Variants in GRIK1 observed in about 807,000 individuals in gnomAD.
GRIK1 encodes glutamate receptor ionotropic, kainate 1.
Under a neutral mutation model 105.7 loss-of-function variants are expected in GRIK1, and 69 were observed. That is an observed-to-expected ratio of 0.65 (90% CI 0.54 to 0.80). GRIK1 has a LOEUF of 0.80. GRIK1 is among the 30% of genes least tolerant of loss of function. The probability of loss-of-function intolerance (pLI) is 0.00; values close to 1 mark genes in which losing one functional copy is unlikely to be tolerated. For synonymous variants in GRIK1, 438 were observed against 431.3 expected, an observed-to-expected ratio of 1.02 and a Z score of -0.19; for missense variants, 1,109 against 1,167.3, an observed-to-expected ratio of 0.95 and a Z score of 0.73.
chr21:29,580,487 GTCTCTC>G, intron 13 of GRIK1, among the ~76,000 whole-genome samples: 1 of 151,652 alleles, frequency 6.6e-6, no homozygotes, highest in South Asian at 2.1e-4. Flanking sequence ...TATTTCCACA[GTCTCTC>G]TCTCTCTAAT....
chr21:29,844,947 T>A (rs1157659199), intron 1 of GRIK1, among the ~76,000 whole-genome samples: 1 of 152,190 alleles, frequency 6.6e-6, no homozygotes, highest in Non-Finnish European at 1.5e-5. Flanking sequence ...TATAACATTC[T>A]TTTTCTTGCT....
chr21:29,698,756 C>T (rs2063759146), intron 1 of GRIK1, among the ~76,000 whole-genome samples: 1 of 152,046 alleles, frequency 6.6e-6, no homozygotes, highest in Admixed American at 6.6e-5. Context: ...TATCCACCTC[C>T]CCAGCCTCTT....
chr21:29,542,847 C>G (rs1480927147), intron 16 of GRIK1, among the ~76,000 whole-genome samples: 1 of 152,166 alleles, frequency 6.6e-6, no homozygotes, highest in Non-Finnish European at 1.5e-5. Flanking sequence ...CTTTAATAGG[C>G]TCCTTATTCA....
At chr21:29,830,011 A>G (rs1296975000) in intron 1 of GRIK1, among the ~76,000 whole-genome samples, 1 of 152,126 alleles carries the variant, frequency 6.6e-6, no homozygotes, top group Non-Finnish European at 1.5e-5. Context: ...CCCAAATAGA[A>G]ACACCTACTT....
At chr21:29,859,864 T>C (rs2068583673) in intron 1 of GRIK1, among the ~76,000 whole-genome samples, 2 of 152,226 alleles carry the variant, frequency 1.3e-5, no homozygotes, top group African/African-American at 4.8e-5. Context: ...AACTTTTGAG[T>C]AGCTTAGTTC....
At chr21:29,789,548 G>C (rs1010626159) in intron 1 of GRIK1, among the ~76,000 whole-genome samples, 26 of 152,134 alleles carry the variant, frequency 1.7e-4, no homozygotes, top group Admixed American at 1.6e-3. Flanking sequence ...ACTCCTTTCT[G>C]TAAAAGAAAA....
At chr21:29,573,744 G>A (rs1243894642) in intron 14 of GRIK1, among the ~76,000 whole-genome samples, 2 of 152,006 alleles carry the variant, frequency 1.3e-5, no homozygotes, top group Non-Finnish European at 2.9e-5. Flanking sequence ...AGCTACTCGG[G>A]GGGCTGAGGC....
chr21:29,800,321 C>A (rs142540640), intron 1 of GRIK1, among the ~76,000 whole-genome samples: 3 of 152,132 alleles, frequency 2.0e-5, no homozygotes, highest in Non-Finnish European at 2.9e-5. Flanking sequence ...TTTTACAAAT[C>A]GAAAGGAAAA....
At chr21:29,848,779 A>ATTTTTTTTTTTTT (rs1555898508) in intron 1 of GRIK1, among the ~76,000 whole-genome samples, 2 of 77,882 alleles carry the variant, frequency 2.6e-5, no homozygotes, top group African/African-American at 1.2e-4. Context: ...ATATATATAT[A>ATTTTTTTTTTTTT]TTTTTTTTTT....
intron 1 of GRIK1, among the ~76,000 whole-genome samples, chr21:29,781,005 C>T (rs59265572): frequency 0.024 from 3,685 of 152,152 alleles, 115 homozygotes; most frequent in East Asian, 0.1. Flanking sequence ...TCTGGAATAG[C>T]CAAGCAATAC....
At chr21:29,699,452 G>T (rs1237630071) in intron 1 of GRIK1, among the ~76,000 whole-genome samples, 2 of 152,092 alleles carry the variant, frequency 1.3e-5, no homozygotes, top group South Asian at 2.1e-4. Context: ...CAAGAAGGAG[G>T]CCATCTGCAA....
At chr21:29,592,737 T>C (rs550280615) in intron 9 of GRIK1, among the ~76,000 whole-genome samples, 45 of 152,340 alleles carry the variant, frequency 3.0e-4, no homozygotes, top group Non-Finnish European at 5.7e-4. Context: ...CCTGCACACA[T>C]AGTAACAAGA....
chr21:29,850,491 G>A (rs1268263575), intron 1 of GRIK1, among the ~76,000 whole-genome samples: 2 of 152,014 alleles, frequency 1.3e-5, no homozygotes, highest in Non-Finnish European at 2.9e-5. Context: ...CTCTCCCCTG[G>A]CCACTCCTAT....
At chr21:29,602,290 T>G (rs1478901730) in intron 7 of GRIK1, among the ~76,000 whole-genome samples, 3 of 152,238 alleles carry the variant, frequency 2.0e-5, no homozygotes, top group Non-Finnish European at 4.4e-5. Flanking sequence ...GTTGTTATAC[T>G]CAAATTTCAA....
intron 16 of GRIK1, among the ~76,000 whole-genome samples, chr21:29,550,107 CAAAA>C (rs34939329): frequency 3.6e-3 from 195 of 53,442 alleles, no homozygotes; most frequent in African/African-American, 0.016. Flanking sequence ...GACTCCATCT[CAAAA>C]AAAAAAAAAA....
chr21:29,780,455 G>T (rs2066063709), intron 1 of GRIK1, among the ~76,000 whole-genome samples: 1 of 152,170 alleles, frequency 6.6e-6, no homozygotes, highest in African/African-American at 2.4e-5. Flanking sequence ...AAGAAAGTGG[G>T]TGCTATCACT....
At chr21:29,700,434 G>A (rs952572695) in intron 1 of GRIK1, among the ~76,000 whole-genome samples, 1 of 152,160 alleles carries the variant, frequency 6.6e-6, no homozygotes, top group Non-Finnish European at 1.5e-5. Flanking sequence ...GAAGGCTAAG[G>A]TCAATAATGT....
intron 16 of GRIK1, among the ~76,000 whole-genome samples, chr21:29,538,899 T>C (rs192710405): frequency 1.3e-5 from 2 of 152,326 alleles, no homozygotes; most frequent in Admixed American, 1.3e-4. Flanking sequence ...TTTTTCTACT[T>C]GATTTCAAAA....
intron 7 of GRIK1, among the ~76,000 whole-genome samples, chr21:29,629,348 T>C (rs938034883): frequency 2.0e-5 from 3 of 151,888 alleles, no homozygotes; most frequent in Non-Finnish European, 4.4e-5. Context: ...GGAAAAAAGA[T>C]GGACAGCAGC....
Sources: allele counts gnomAD v4.1 joint callset (sites outside exome capture counted in the v4.1 genomes callset), GRCh38; gene constraint gnomAD v4.1.1; transcripts MANE v1.5; gene names NCBI Gene and HGNC (gene_info 2026-07-23, HGNC 2026-07-21).